CACNA1B: variants seen among roughly 807,000 people sequenced by gnomAD.
The protein encoded by CACNA1B is voltage-dependent N-type calcium channel subunit alpha-1B.
A neutral mutation model predicts 247.2 loss-of-function variants in CACNA1B; 70 were observed. The observed-to-expected ratio is 0.28, with a 90% CI of 0.23 to 0.35. The LOEUF is 0.35. CACNA1B is among the 10% of genes least tolerant of loss of function. CACNA1B has a pLI of 1.00. For synonymous variants in CACNA1B, 1,231 were observed against 1,294.4 expected (o/e 0.95, Z 1.05); for missense variants, 2,367 against 3,197.4 (o/e 0.74, Z 6.26).
chr9:138,009,026 G>A (rs1958690248), intron 16 of CACNA1B, among the ~76,000 whole-genome samples: 1 of 152,246 alleles, frequency 6.6e-6, no homozygotes. Context: ...TATGTTTGTG[G>A]TGGTTCTGGG....
rs563356360 is a variant in CACNA1B, at chr9:138,043,797, C to T, written c.3310C>T (p.Gln1104Ter). ...VPSGNVDLESQAEGKKEVEAD... is the reference protein window; with the variant it reads ...VPSGNVDLES ...AGGTGGTAACGTGGACCTGGAAAGC[C>T]AAGCAGAGGGGAAGAAGGAGGTGGA... The change falls in exon 21 of 47, where the codon CAA becomes TAA. Residue 1104 changes from glutamine (Q) to a stop codon, truncating the protein, a stop_gained. Transcript: ENST00000371372. LOFTEE classifies it high-confidence loss of function. 1 of 1,613,894 alleles carries T rather than the reference C, an allele frequency of 6.2e-7. No homozygotes were observed. Among genetic ancestry groups the T allele is most frequent in the Non-Finnish European group, 8.5e-7 (1 of 1,179,848 alleles).
At chr9:137,992,296 T>C (rs929957392) in intron 15 of CACNA1B, among the ~76,000 whole-genome samples, 1 of 152,128 alleles carries the variant, frequency 6.6e-6, no homozygotes, top group African/African-American at 2.4e-5. Flanking sequence ...CATTCTTTTA[T>C]CAGACAAAAC....
At chr9:138,110,125 AT>A (rs1961573417) in intron 39 of CACNA1B, among the ~76,000 whole-genome samples, 4 of 151,088 alleles carry the variant, frequency 2.6e-5, no homozygotes, top group Admixed American at 2.6e-4. Flanking sequence ...ATACATATAT[AT>A]ATATATTTGA....
intron 39 of CACNA1B, among the ~76,000 whole-genome samples, chr9:138,109,852 C>G (rs1172060604): frequency 6.6e-6 from 1 of 152,106 alleles, no homozygotes; most frequent in Non-Finnish European, 1.5e-5. Flanking sequence ...AGGCGGATTA[C>G]CTGAGGTCAT....
intron 37 of CACNA1B, among the ~76,000 whole-genome samples, chr9:138,101,606 T>A (rs1164427788): frequency 6.6e-6 from 1 of 152,196 alleles, no homozygotes; most frequent in Non-Finnish European, 1.5e-5. Context: ...TCCTCTGGGT[T>A]GGAAGAGCCC....
intron 15 of CACNA1B, among the ~76,000 whole-genome samples, chr9:137,992,050 A>C (rs949445247): frequency 1.3e-5 from 2 of 152,226 alleles, no homozygotes; most frequent in Non-Finnish European, 2.9e-5. Flanking sequence ...CATGGTATTC[A>C]GGCAACAAAT....
intron 12 of CACNA1B, among the ~76,000 whole-genome samples, chr9:137,981,694 G>C (rs971438064): frequency 6.6e-6 from 1 of 152,162 alleles, no homozygotes; most frequent in Non-Finnish European, 1.5e-5. Context: ...GGTCGGGCTG[G>C]TCCCGAACTC....
chr9:137,894,504 G>T (rs1340108290), intron 3 of CACNA1B, among the ~76,000 whole-genome samples: 1 of 151,806 alleles, frequency 6.6e-6, no homozygotes, highest in Non-Finnish European at 1.5e-5. Flanking sequence ...AAGCCCCTGG[G>T]TTCACGCCAT....
chr9:138,035,260 A>T (rs1195016243), intron 20 of CACNA1B, among the ~76,000 whole-genome samples: 1 of 152,194 alleles, frequency 6.6e-6, no homozygotes, highest in Non-Finnish European at 1.5e-5. Flanking sequence ...GAAGTTTGAG[A>T]CCAGCCTGGC....
intron 6 of CACNA1B, among the ~76,000 whole-genome samples, chr9:137,951,497 G>A (rs1026036848): frequency 6.6e-6 from 1 of 152,216 alleles, no homozygotes. Context: ...AACGGGACTA[G>A]GGGCTGCCTC....
rs1191778173 is a variant in CACNA1B at position 138,118,808 on chromosome 9, G to A, written c.6030+40G>A. ...AGGGTCCAGGCCCTGGGCTGGGCAA[G>A]TGGGGGGTGGGGAAGTGGGGCTGTG... On this transcript the variant is annotated intron_variant, in intron 44 of 46. Coordinates refer to ENST00000371372, the MANE Select transcript of CACNA1B (RefSeq NM_000718.4). 4 of 891,184 alleles carry A rather than the reference G, an allele frequency of 4.5e-6. No individual in the cohort carries two copies. The Admixed American group carries it at 7.1e-5, about 16-fold the overall frequency. The allele number at this position is 891,184 out of a possible 1,614,324, so 55.2% of individuals were successfully genotyped here.
chr9:137,962,360 T>G lies in CACNA1B; in HGVS notation c.1333+4673T>G, dbSNP rs1048348105. Among the ~76,000 whole-genome samples, 6 of 152,104 alleles carry G rather than the reference T, an allele frequency of 3.9e-5. No homozygotes were observed. The South Asian group carries it at 1.0e-3, about 26-fold the overall frequency. On this transcript the variant is annotated intron_variant, in intron 10 of 46. Coordinates refer to ENST00000371372, the MANE Select transcript of CACNA1B (RefSeq NM_000718.4). ...TAGCTCCTGTTTTCATTGATTTTTT[T>G]GATGGATTTTTCATGTTTTCTATCT...
Position 137,917,387 on chromosome 9 carries a change from T to G in CACNA1B, c.922T>G (p.Phe308Val). 6.2e-7 allele frequency: 1 copy of G among 1,614,032 alleles called. No individual in the cohort carries two copies. The highest frequency in any genetic ancestry group is 8.5e-7 in the Non-Finnish European group (1 of 1,179,884). ...TATCCTGTTTGCCATCTTGACGGTGTTCCAGTGCATCACCATGGAGGGCTG... is the reference window on the plus strand; with the variant it reads ...TATCCTGTTTGCCATCTTGACGGTGGTCCAGTGCATCACCATGGAGGGCTG... ...DNILFAILTVFQCITMEGWTD... is the reference protein window; with the variant it reads ...DNILFAILTVVQCITMEGWTD... Residue 308 changes from phenylalanine to valine, a missense_variant, in exon 6 of 47, where the codon TTC (phenylalanine) becomes GTC (valine). Phe to Val is a conservative substitution (Grantham distance 50, BLOSUM62 -1). This residue lies in a region of CACNA1B where 130 missense variants were observed against 338.7 expected (regional missense o/e 0.38). Transcript: ENST00000371372. This position sits in a 1 kb window ranked among gnomAD's most constrained non-coding sequence, Gnocchi z 5.5.
chr9:138,054,194 A>T lies in CACNA1B; in HGVS notation c.3968+188A>T, dbSNP rs552183326. Among the ~76,000 whole-genome samples, 1 of 152,226 alleles carries T rather than the reference A, an allele frequency of 6.6e-6. No individual in the cohort carries two copies. Among genetic ancestry groups the T allele is most frequent in the East Asian group, 1.9e-4 (1 of 5,164 alleles). ...GGCTAGAGTCACCACAGAAGACAGGATGCATCCCCTCCCCAGCACCACACC... is the reference window on the plus strand; with the variant it reads ...GGCTAGAGTCACCACAGAAGACAGGTTGCATCCCCTCCCCAGCACCACACC... On this transcript the variant is annotated intron_variant, in intron 26 of 46. Transcript: ENST00000371372. The surrounding 1 kb of genome is among the most constrained non-coding windows in gnomAD (Gnocchi z 4.6).
chr9:137,879,660 T>C (rs1486927969), intron 2 of CACNA1B, among the ~76,000 whole-genome samples: 2 of 152,198 alleles, frequency 1.3e-5, no homozygotes, highest in African/African-American at 2.4e-5. Flanking sequence ...GAAGCATTCC[T>C]TCTCAAACAT....
chr9:138,042,304 G>A (rs1338275306), intron 20 of CACNA1B, among the ~76,000 whole-genome samples: 1 of 152,162 alleles, frequency 6.6e-6, no homozygotes, highest in African/African-American at 2.4e-5. Context: ...ACAAAAATTA[G>A]CTGGGTGTGT....
intron 6 of CACNA1B, among the ~76,000 whole-genome samples, chr9:137,930,865 T>C (rs549745630): frequency 2.2e-4 from 33 of 152,214 alleles, no homozygotes; most frequent in Non-Finnish European, 4.4e-4. Context: ...GTAATTTTGT[T>C]TTACTGGGAG....
In CACNA1B at chr9:138,010,784, C is replaced by T. The variant is rs1958714218; in HGVS notation, c.2160+707C>T. Among the ~76,000 whole-genome samples, 1 of 152,216 alleles carries T rather than the reference C, an allele frequency of 6.6e-6. No individual in the cohort carries two copies. Among genetic ancestry groups the T allele is most frequent in the Non-Finnish European group, 1.5e-5 (1 of 68,032 alleles). ...CCATCCCTGGACAGGTGTCTGCATGCACCTGTGCATGTCTAGGGGTCTGAC... is the reference window on the plus strand; with the variant it reads ...CCATCCCTGGACAGGTGTCTGCATGTACCTGTGCATGTCTAGGGGTCTGAC... On this transcript the variant is annotated intron_variant, in intron 17 of 46. Coordinates refer to ENST00000371372, the MANE Select transcript of CACNA1B (RefSeq NM_000718.4). This position sits in a 1 kb window ranked among gnomAD's most constrained non-coding sequence, Gnocchi z 5.3.
In CACNA1B at chr9:137,953,316, C is replaced by G. The variant is rs376486841; in HGVS notation, c.1070+939C>G. Among the ~76,000 whole-genome samples the G allele has an allele frequency of 2.0e-3, 300 of 152,352 alleles. 1 individual carries two copies. The highest frequency in any genetic ancestry group is 6.7e-3 in the African/African-American group (278 of 41,586). On this transcript the variant is annotated intron_variant, in intron 7 of 46. Transcript: ENST00000371372. ...CCAGTGAGGCTGGAGGAGTACATCT[C>G]CCCTCTGTCCTCACTATGATCCCTG...
Sources: gnomAD v4.1 joint callset for allele counts (sites outside exome capture counted in the v4.1 genomes callset) on GRCh38, gnomAD v4.1.1 for gene constraint, gnomAD v4.1.1 regional missense constraint, Gnocchi (gnomAD v3.1) non-coding constraint, MANE v1.5 for transcripts, NCBI Gene and HGNC (gene_info 2026-07-23, HGNC 2026-07-21) for gene names.